The following DKK2 variants were observed in gnomAD, a reference collection of about 807,000 sequenced individuals.
DKK2 encodes dickkopf Wnt signaling pathway inhibitor 2, also known as dickkopf-related protein 2.
Under a neutral mutation model 28.1 loss-of-function variants are expected in DKK2, and 11 were observed. The observed-to-expected ratio is 0.39, with a 90% CI of 0.25 to 0.65. DKK2 has a LOEUF of 0.65. Among genes scored for constraint, DKK2 ranks in the 30% least tolerant of loss-of-function variants. The pLI, the probability that DKK2 is intolerant of heterozygous loss-of-function variation, is 0.47. For synonymous variants in DKK2, 135 were observed against 126.5 expected, an observed-to-expected ratio of 1.07 and a Z score of -0.45; for missense variants, 326 against 335.5, an observed-to-expected ratio of 0.97 and a Z score of 0.22.
chr4:106,967,820 GAAAA>G (rs879813690), intron 1 of DKK2, among the ~76,000 whole-genome samples: 7 of 149,398 alleles, frequency 4.7e-5, no homozygotes, highest in Non-Finnish European at 8.9e-5. Flanking sequence ...GAGGAAGAAA[GAAAA>G]AAAGGAAGGA....
chr4:106,970,734 T>C (rs906635727), intron 1 of DKK2, among the ~76,000 whole-genome samples: 1 of 152,098 alleles, frequency 6.6e-6, no homozygotes, highest in African/African-American at 2.4e-5. Context: ...GTGGCACTGC[T>C]GATCATTGGA....
chr4:106,930,176 G>A (rs569224345), intron 1 of DKK2, among the ~76,000 whole-genome samples: 22 of 152,212 alleles, frequency 1.4e-4, no homozygotes, highest in African/African-American at 5.3e-4. Context: ...TAAACTCAAT[G>A]TAAATCAGAG....
At chr4:106,933,577 T>C (rs1382668602) in intron 1 of DKK2, among the ~76,000 whole-genome samples, 2 of 152,196 alleles carry the variant, frequency 1.3e-5, no homozygotes, top group Non-Finnish European at 2.9e-5. Context: ...GGTATACACC[T>C]ATGTCTTGCT....
At chr4:107,002,010 C>A (rs1041737927) in intron 1 of DKK2, among the ~76,000 whole-genome samples, 1 of 152,204 alleles carries the variant, frequency 6.6e-6, no homozygotes, top group Non-Finnish European at 1.5e-5. Context: ...ACAACAAATA[C>A]ATCCACCCAA....
intron 1 of DKK2, among the ~76,000 whole-genome samples, chr4:106,982,475 A>G (rs1203594812): frequency 6.6e-6 from 1 of 152,234 alleles, no homozygotes; most frequent in Non-Finnish European, 1.5e-5. Context: ...GGTACCTCGT[A>G]TAACAGGGAG....
chr4:107,005,682 T>C (rs1368482280), intron 1 of DKK2, among the ~76,000 whole-genome samples: 1 of 152,202 alleles, frequency 6.6e-6, no homozygotes, highest in Non-Finnish European at 1.5e-5. Flanking sequence ...GTAGGGATAG[T>C]CTCAAAGATG....
At chr4:106,926,253 G>A (rs1427917686) in intron 1 of DKK2, among the ~76,000 whole-genome samples, 2 of 151,972 alleles carry the variant, frequency 1.3e-5, no homozygotes, top group African/African-American at 4.8e-5. Context: ...GTGACTTTGG[G>A]GTCTCAAGAG....
In DKK2 at chr4:106,956,467, A is replaced by G. The variant is rs1052841279; in HGVS notation, c.223-30518T>C. 4.6e-5 allele frequency among the ~76,000 whole-genome samples: 7 copies of G among 152,342 alleles called. 1 individual carries two copies. Among genetic ancestry groups the G allele is most frequent in the Admixed American group, 1.3e-4 (2 of 15,302 alleles). On this transcript the variant is annotated intron_variant, in intron 1 of 3. Coordinates refer to ENST00000285311, the MANE Select transcript of DKK2 (RefSeq NM_014421.3). ...AAGTCAATCCTAAGCCAAAAGAACA[A>G]AGCTGGAGGCATCACACTACCTGAC...
chr4:106,966,809 A>C (rs1722787393), intron 1 of DKK2, among the ~76,000 whole-genome samples: 1 of 152,202 alleles, frequency 6.6e-6, no homozygotes, highest in Non-Finnish European at 1.5e-5. Flanking sequence ...AACAGATCTC[A>C]TGAGACTCAT....
At position 107,035,460 on chromosome 4, in the gene DKK2, C is replaced by T. The variant is rs1273276314; in HGVS notation, c.132G>A (p.Gly44=). ...GATTGGCGGCCTGACCAGGCGTCTC[C>T]CCGCCCAGAGAGGACTTGATGGAGT... ...KLNSIKSSLG[G]ETPGQAANRS... The change falls in exon 1 of 4, where the codon GGG becomes GGA. Residue 44 remains glycine, a synonymous_variant. Transcript: ENST00000285311. The T allele has an allele frequency of 4.3e-6, 7 of 1,614,082 alleles. No individual in the cohort carries two copies. Among genetic ancestry groups the T allele is most frequent in the Middle Eastern group, 3.3e-4 (2 of 6,084 alleles).
rs533122567 is a variant in DKK2, at chr4:107,025,771, C to A, written c.222+9599G>T. 2.7e-4 allele frequency among the ~76,000 whole-genome samples: 41 copies of A among 152,334 alleles called. No individual in the cohort carries two copies. In the East Asian group the frequency reaches 7.5e-3, roughly 28 times the overall value. On this transcript the variant is annotated intron_variant, in intron 1 of 3. Transcript: ENST00000285311. ...TTTTGTTTAAAACTGATTGACACAGCTGTCATCGTGACATTGTAAACTTTG... is the reference window on the plus strand; with the variant it reads ...TTTTGTTTAAAACTGATTGACACAGATGTCATCGTGACATTGTAAACTTTG...
At chr4:106,994,358 C>G (rs1227920842) in intron 1 of DKK2, among the ~76,000 whole-genome samples, 1 of 152,086 alleles carries the variant, frequency 6.6e-6, no homozygotes, top group Admixed American at 6.6e-5. Context: ...TTCACTTATA[C>G]AATTTTGGTC....
chr4:106,937,129 A>G (rs745532695), intron 1 of DKK2, among the ~76,000 whole-genome samples: 331 of 151,244 alleles, frequency 2.2e-3, no homozygotes, highest in Middle Eastern at 0.01. Context: ...TTAACTTTAA[A>G]TGTAAATGGA....
chr4:106,940,400 C>T (rs1448489752), intron 1 of DKK2, among the ~76,000 whole-genome samples: 2 of 151,558 alleles, frequency 1.3e-5, no homozygotes, highest in Non-Finnish European at 2.9e-5. Context: ...AAATCAAAAC[C>T]ACAATGAGAT....
intron 1 of DKK2, among the ~76,000 whole-genome samples, chr4:106,962,578 C>A (rs974157643): frequency 1.4e-5 from 2 of 140,376 alleles, no homozygotes; most frequent in Non-Finnish European, 3.1e-5. Flanking sequence ...AAACTAGATG[C>A]CCATCTCTCA....
intron 1 of DKK2, among the ~76,000 whole-genome samples, chr4:106,941,686 C>T (rs1354380444): frequency 1.3e-5 from 2 of 152,032 alleles, no homozygotes; most frequent in Non-Finnish European, 2.9e-5. Flanking sequence ...GTTTGGGCAG[C>T]GTCAGAGTTT....
intron 1 of DKK2, among the ~76,000 whole-genome samples, chr4:106,979,821 C>T (rs1036268719): frequency 6.6e-6 from 1 of 152,248 alleles, no homozygotes; most frequent in Non-Finnish European, 1.5e-5. Context: ...TGTCTTTTCT[C>T]ATACATCACA....
At chr4:106,995,218 T>G (rs946078028) in intron 1 of DKK2, among the ~76,000 whole-genome samples, 22 of 152,140 alleles carry the variant, frequency 1.4e-4, no homozygotes, top group African/African-American at 5.3e-4. Flanking sequence ...ATCTATAGAA[T>G]TTTTGTTATT....
intron 1 of DKK2, among the ~76,000 whole-genome samples, chr4:107,026,137 G>C (rs1723775668): frequency 6.6e-6 from 1 of 152,156 alleles, no homozygotes; most frequent in Non-Finnish European, 1.5e-5. Flanking sequence ...TCCTGCTTTA[G>C]TCTGTTGTAT....
Sources: allele counts gnomAD v4.1 joint callset (sites outside exome capture counted in the v4.1 genomes callset), GRCh38; gene constraint gnomAD v4.1.1; transcripts MANE v1.5; gene names NCBI Gene and HGNC (gene_info 2026-07-23, HGNC 2026-07-21).